Variants in PIK3C2G observed in about 807,000 individuals in gnomAD.
PIK3C2G encodes phosphatidylinositol 3-kinase C2 domain-containing subunit gamma.
In PIK3C2G, 168 loss-of-function variants were observed where a neutral mutation model predicts 181.1. That is an observed-to-expected ratio of 0.93 (90% confidence interval 0.82 to 1.05). PIK3C2G has a LOEUF of 1.05. Among genes scored for constraint, PIK3C2G ranks in the 50% least tolerant of loss-of-function variants. The pLI, the probability that PIK3C2G is intolerant of heterozygous loss-of-function variation, is 0.00. For missense variants in PIK3C2G, 1,869 were observed against 1,732.8 expected (o/e 1.08, Z -1.40); for synonymous variants, 573 against 592.2 (o/e 0.97, Z 0.47).
At chr12:18,459,080 T>C (rs962663642) in intron 18 of PIK3C2G, among the ~76,000 whole-genome samples, 3 of 152,088 alleles carry the variant, frequency 2.0e-5, no homozygotes, top group Non-Finnish European at 4.4e-5. Context: ...AGCCAATAAG[T>C]AGCCATGGTT....
chr12:18,462,399 A>G (rs560353585), intron 18 of PIK3C2G, among the ~76,000 whole-genome samples: 1 of 152,330 alleles, frequency 6.6e-6, no homozygotes, highest in South Asian at 2.1e-4. Context: ...ACAAAAAAAA[A>G]TGTGGTTTTC....
the PIK3C2G span, among the ~76,000 whole-genome samples, chr12:18,703,864 A>C: frequency 2.0e-3 from 299 of 152,010 alleles, 1 homozygote; most frequent in African/African-American, 7.0e-3. Context: ...TTAAGTTGGC[A>C]AAAAAAATAA....
chr12:18,686,236 G>A, the PIK3C2G span, among the ~76,000 whole-genome samples: 99 of 151,316 alleles, frequency 6.5e-4, no homozygotes, highest in East Asian at 8.0e-3. Flanking sequence ...TTTCCCTCTC[G>A]TATACTTCTT....
intron 26 of PIK3C2G, among the ~76,000 whole-genome samples, chr12:18,550,834 T>C (rs1366383626): frequency 6.6e-6 from 1 of 152,048 alleles, no homozygotes; most frequent in Non-Finnish European, 1.5e-5. Context: ...ACATAACATA[T>C]GTGGCTACTT....
chr12:18,259,348 G>A (rs1172987948), upstream of PIK3C2G, among the ~76,000 whole-genome samples: 1 of 152,024 alleles, frequency 6.6e-6, no homozygotes, highest in African/African-American at 2.4e-5. Flanking sequence ...CCAGCTTCGG[G>A]GTCTGGGTCA....
rs543058232 is a variant in PIK3C2G at position 18,346,672 on chromosome 12, C to T, written c.1461C>T (p.Ser487=). The T allele has an allele frequency of 1.1e-5, 17 of 1,612,678 alleles. No homozygotes were observed. In the South Asian group the frequency reaches 1.2e-4, roughly 11 times the overall value. The part of the protein sequence containing the change: ...GLIEKVTTEL[S]TSIYQLINVY... ...TAGAGAAGGTAACAACTGAACTATC[C>T]ACATCCATCTACCAGCTAATCAATG... is the stretch of plus-strand genomic sequence containing the variant. Residue 487 remains serine, a synonymous_variant, in exon 11 of 33, where the codon TCC becomes TCT. Transcript: ENST00000538779.
At chr12:18,405,436 T>TTGTTGC (rs1565685136) in intron 16 of PIK3C2G, among the ~76,000 whole-genome samples, 1 of 151,420 alleles carries the variant, frequency 6.6e-6, no homozygotes, top group Admixed American at 6.6e-5. Flanking sequence ...GTTGTTGTTG[T>TTGTTGC]TGAGATGGAG....
intron 16 of PIK3C2G, among the ~76,000 whole-genome samples, chr12:18,415,337 T>C (rs1945114701): frequency 6.6e-6 from 1 of 152,236 alleles, no homozygotes; most frequent in Non-Finnish European, 1.5e-5. Context: ...TGATCTGTGA[T>C]CAGCGATTGC....
chr12:18,605,220 T>G (rs1947955088), intron 30 of PIK3C2G, among the ~76,000 whole-genome samples: 1 of 152,078 alleles, frequency 6.6e-6, no homozygotes, highest in Non-Finnish European at 1.5e-5. Context: ...CAGATACCAC[T>G]GAAACACAAA....
the PIK3C2G span, among the ~76,000 whole-genome samples, chr12:18,674,170 G>A: frequency 1.3e-5 from 2 of 152,160 alleles, no homozygotes; most frequent in African/African-American, 4.8e-5. Context: ...AATACTTTTG[G>A]AACTACATTT....
intron 31 of PIK3C2G, among the ~76,000 whole-genome samples, chr12:18,634,257 T>C (rs1162533489): frequency 6.6e-6 from 1 of 152,106 alleles, no homozygotes; most frequent in African/African-American, 2.4e-5. Flanking sequence ...TGAGGTCCAA[T>C]AGTGTGAAGC....
At chr12:18,657,192 G>A in the PIK3C2G span, among the ~76,000 whole-genome samples, 1 of 152,108 alleles carries the variant, frequency 6.6e-6, no homozygotes, top group Non-Finnish European at 1.5e-5. Flanking sequence ...CACTGCTGCT[G>A]GGGACAAGGA....
At chr12:18,321,836 G>A (rs959152797) in intron 7 of PIK3C2G, among the ~76,000 whole-genome samples, 1 of 152,108 alleles carries the variant, frequency 6.6e-6, no homozygotes, top group Non-Finnish European at 1.5e-5. Flanking sequence ...AACTAACATA[G>A]AAACAGAAAA....
At chr12:18,502,953 T>C (rs777882537) in intron 22 of PIK3C2G, among the ~76,000 whole-genome samples, 5 of 152,210 alleles carry the variant, frequency 3.3e-5, no homozygotes, top group Non-Finnish European at 7.3e-5. Context: ...CCTTAAACTG[T>C]AAATGAGTGC....
rs547036049 is a variant in PIK3C2G, at chr12:18,582,718, G to A, written c.4012-11776G>A. ...ACCTCCCTGAGACAGAGCTCCCAGA[G>A]GGAGGGGTGGGCTGCCATCTTTGCT... On this transcript the variant is annotated intron_variant, in intron 29 of 32. Coordinates refer to ENST00000538779, the MANE Select transcript of PIK3C2G (RefSeq NM_001288772.2). 8.9e-4 allele frequency among the ~76,000 whole-genome samples: 135 copies of A among 152,278 alleles called. No individual in the cohort carries two copies. The Middle Eastern group carries it at 0.01, about 12-fold the overall frequency.
intron 11 of PIK3C2G, among the ~76,000 whole-genome samples, chr12:18,360,741 C>T (rs1016805533): frequency 5.3e-5 from 8 of 152,100 alleles, no homozygotes; most frequent in Admixed American, 2.6e-4. Context: ...AATAATCTTA[C>T]GAATGTTCTC....
In PIK3C2G at chr12:18,328,774, C is replaced by T. The variant is rs187433877; in HGVS notation, c.1272+3676C>T. 9.2e-5 allele frequency among the ~76,000 whole-genome samples: 14 copies of T among 151,852 alleles called. No individual in the cohort carries two copies. The East Asian group carries it at 1.7e-3, about 19-fold the overall frequency. ...ACATTTTTAAGAAAAGGTGAGTACCCGTGTTACTTTACTGCTACCGTTTCT... is the reference window on the plus strand; with the variant it reads ...ACATTTTTAAGAAAAGGTGAGTACCTGTGTTACTTTACTGCTACCGTTTCT... On this transcript the variant is annotated intron_variant, in intron 8 of 32. Transcript: ENST00000538779.
chr12:18,401,196 G>A (rs893022080), intron 16 of PIK3C2G, among the ~76,000 whole-genome samples: 7 of 152,100 alleles, frequency 4.6e-5, no homozygotes, highest in African/African-American at 1.7e-4. Flanking sequence ...TTTCTAAGAT[G>A]CATTATTATT....
chr12:18,287,285 TCCTC>T (rs1373566295), intron 3 of PIK3C2G, among the ~76,000 whole-genome samples: 1 of 152,128 alleles, frequency 6.6e-6, no homozygotes, highest in Non-Finnish European at 1.5e-5. Context: ...CACAAACTTA[TCCTC>T]CCTACCTGGG....
Sources: allele counts gnomAD v4.1 joint callset (sites outside exome capture counted in the v4.1 genomes callset), GRCh38; gene constraint gnomAD v4.1.1; transcripts MANE v1.5; gene names NCBI Gene and HGNC (gene_info 2026-07-23, HGNC 2026-07-21).